The following STK32A variants were observed in gnomAD, a reference collection of about 807,000 sequenced individuals.
STK32A encodes serine/threonine kinase 32A.
A neutral mutation model predicts 53.2 loss-of-function variants in STK32A; 41 were observed. The observed-to-expected ratio is 0.77, with a 90% CI of 0.60 to 1.00. The LOEUF is 1.00. Among genes scored for constraint, STK32A ranks in the 50% least tolerant of loss-of-function variants. STK32A has a pLI of 0.00. For synonymous variants in STK32A, 166 were observed against 162.8 expected (o/e 1.02, Z -0.15); for missense variants, 458 against 485.8 (o/e 0.94, Z 0.54).
At chr5:147,256,782 G>A (rs904892633) in intron 2 of STK32A, among the ~76,000 whole-genome samples, 2 of 152,080 alleles carry the variant, frequency 1.3e-5, no homozygotes, top group Non-Finnish European at 2.9e-5. Flanking sequence ...AAAGTGCTGG[G>A]ATTACAGGCG....
At chr5:147,294,244 G>T (rs572216618) in intron 4 of STK32A, among the ~76,000 whole-genome samples, 1 of 152,258 alleles carries the variant, frequency 6.6e-6, no homozygotes, top group Admixed American at 6.5e-5. Context: ...CCCACAACTT[G>T]CTTAAACCTT....
chr5:147,237,156 C>CA (rs539738934), intron 1 of STK32A, among the ~76,000 whole-genome samples: 18 of 151,906 alleles, frequency 1.2e-4, no homozygotes, highest in African/African-American at 4.1e-4. Context: ...ACTAAAAATA[C>CA]AAAAAAATTA....
intron 2 of STK32A, among the ~76,000 whole-genome samples, chr5:147,254,046 T>C (rs1054343328): frequency 8.5e-5 from 13 of 152,196 alleles, no homozygotes; most frequent in Non-Finnish European, 1.8e-4. Context: ...TCTCTTTCCC[T>C]GCTTGAGTAC....
chr5:147,326,075 T>C (rs910741049), intron 5 of STK32A, among the ~76,000 whole-genome samples: 1 of 152,194 alleles, frequency 6.6e-6, no homozygotes, highest in Non-Finnish European at 1.5e-5. Flanking sequence ...TACTTAGAAC[T>C]GTGTTCCAAG....
At position 147,291,892 on chromosome 5, in the gene STK32A, C is replaced by T. The variant is rs146806088; in HGVS notation, c.260+12494C>T. Among the ~76,000 whole-genome samples the T allele has an allele frequency of 8.5e-3, 1,287 of 152,184 alleles. 9 individuals carry two copies. The highest frequency in any genetic ancestry group is 0.013 in the Non-Finnish European group (890 of 68,004). On this transcript the variant is annotated intron_variant, in intron 4 of 12. Transcript: ENST00000397936. ...TTGGCCTAATTATTTGCATTAAGTG[C>T]AACAAAAATAATGAATGGCCATGTA...
At chr5:147,302,742 C>T (rs753914576) in intron 4 of STK32A, among the ~76,000 whole-genome samples, 5 of 152,164 alleles carry the variant, frequency 3.3e-5, no homozygotes, top group South Asian at 2.1e-4. Context: ...GAATTGCAGA[C>T]ATGCCATGCG....
intron 2 of STK32A, among the ~76,000 whole-genome samples, chr5:147,256,509 G>GTTGTT (rs937671779): frequency 6.6e-6 from 1 of 152,006 alleles, no homozygotes; most frequent in African/African-American, 2.4e-5. Context: ...TTGTTTTTTT[G>GTTGTT]TTGTTTTGTT....
At chr5:147,343,278 C>T (rs753642329) in intron 6 of STK32A, 2 of 704,478 alleles carry the variant, frequency 2.8e-6, no homozygotes, top group Non-Finnish European at 5.2e-6. Context: ...ATAGTCTACT[C>T]AATTTTCTTC....
chr5:147,397,544 C>T, the STK32A span: 14 of 1,089,060 alleles, frequency 1.3e-5, no homozygotes, highest in African/African-American at 1.6e-5. Context: ...GGGGACAAGA[C>T]TGTCACTGAA....
intron 11 of STK32A, among the ~76,000 whole-genome samples, chr5:147,381,323 C>G (rs529654232): frequency 6.6e-6 from 1 of 152,226 alleles, no homozygotes; most frequent in African/African-American, 2.4e-5. Flanking sequence ...TTTCAAGATT[C>G]TCTCCTTGTC....
intron 4 of STK32A, among the ~76,000 whole-genome samples, chr5:147,315,826 A>C (rs1005935402): frequency 6.6e-6 from 1 of 152,218 alleles, no homozygotes; most frequent in Non-Finnish European, 1.5e-5. Flanking sequence ...GACTTTTCTC[A>C]GTATACCTTG....
intron 2 of STK32A, among the ~76,000 whole-genome samples, chr5:147,258,480 G>A (rs1461452906): frequency 6.6e-6 from 1 of 152,050 alleles, no homozygotes; most frequent in African/African-American, 2.4e-5. Context: ...CATTCAGGAG[G>A]CTTAATTACT....
At chr5:147,242,968 C>G (rs1753640229) in intron 2 of STK32A, among the ~76,000 whole-genome samples, 1 of 152,094 alleles carries the variant, frequency 6.6e-6, no homozygotes, top group African/African-American at 2.4e-5. Flanking sequence ...ATGCTTATGT[C>G]ATTTTTGATA....
At chr5:147,332,695 G>A (rs1457109123) in intron 5 of STK32A, among the ~76,000 whole-genome samples, 1 of 152,058 alleles carries the variant, frequency 6.6e-6, no homozygotes, top group Non-Finnish European at 1.5e-5. Flanking sequence ...TCTAACTCTG[G>A]TAGCAGAAGG....
intron 4 of STK32A, among the ~76,000 whole-genome samples, chr5:147,281,977 G>C (rs1007350586): frequency 6.6e-6 from 1 of 152,116 alleles, no homozygotes; most frequent in Non-Finnish European, 1.5e-5. Context: ...ACAATTATTA[G>C]CCAAGAATTT....
At chr5:147,397,894 G>GAGA in the STK32A span, 3 of 1,504,734 alleles carry the variant, frequency 2.0e-6, no homozygotes, top group Admixed American at 2.0e-5. Flanking sequence ...AGAGAAAGAG[G>GAGA]AACGTACCTT....
chr5:147,286,492 T>G (rs1003571815), intron 4 of STK32A, among the ~76,000 whole-genome samples: 2 of 152,180 alleles, frequency 1.3e-5, no homozygotes, highest in Non-Finnish European at 2.9e-5. Flanking sequence ...TTTTTCAGGT[T>G]CTTATCAGTC....
intron 4 of STK32A, among the ~76,000 whole-genome samples, chr5:147,292,465 A>G (rs1206173551): frequency 6.6e-6 from 1 of 152,254 alleles, no homozygotes; most frequent in Non-Finnish European, 1.5e-5. Flanking sequence ...TCATAAAAGT[A>G]TACTTTACTT....
intron 9 of STK32A, among the ~76,000 whole-genome samples, chr5:147,371,499 C>T (rs1226456003): frequency 6.6e-6 from 1 of 152,144 alleles, no homozygotes; most frequent in Non-Finnish European, 1.5e-5. Flanking sequence ...GACCTTTGCA[C>T]ATGCCAGTAC....
Sources: allele counts gnomAD v4.1 joint callset (sites outside exome capture counted in the v4.1 genomes callset), GRCh38; gene constraint gnomAD v4.1.1; transcripts MANE v1.5; gene names NCBI Gene and HGNC (gene_info 2026-07-23, HGNC 2026-07-21).